The following MYO1A variants were observed in gnomAD, a reference collection of about 807,000 sequenced individuals.
MYO1A encodes the protein myosin IA.
In MYO1A, 127 loss-of-function variants were observed where a neutral mutation model predicts 138.5. The observed-to-expected ratio is 0.92, with a 90% CI of 0.79 to 1.06. The LOEUF (loss-of-function observed/expected upper bound fraction) is 1.06. Ranked by LOEUF, MYO1A falls within the 50% of genes least tolerant of loss-of-function variation. The pLI is 0.00. For missense variants in MYO1A, 1,211 were observed against 1,288.8 expected (o/e 0.94, Z 0.92); for synonymous variants, 477 against 497.5 (o/e 0.96, Z 0.55).
chr12:57,043,091 C>T lies in MYO1A; in HGVS notation c.1079G>A (p.Arg360Gln), dbSNP rs749831374. 91 of 1,613,956 alleles carry T rather than the reference C, an allele frequency of 5.6e-5. No homozygotes were observed. Among genetic ancestry groups the T allele is most frequent in the Non-Finnish European group, 7.1e-5 (84 of 1,180,024 alleles). ...YSRLFDWIVN[R>Q]INESIKVGIG... ...ACTTGCCTTGATGCTCTCATTGATT[C>T]GATTCACTATCCAGTCAAAGAGGCG... Residue 360 changes from arginine (R) to glutamine (Q), a missense_variant, in exon 12 of 28, where the codon CGA becomes CAA. By Grantham distance (43) the Arg-to-Gln change is conservative. Coordinates refer to ENST00000300119, the MANE Select transcript of MYO1A (RefSeq NM_005379.4).
At chr12:57,041,702 T>C (rs1343972776) in intron 12 of MYO1A, among the ~76,000 whole-genome samples, 1 of 152,160 alleles carries the variant, frequency 6.6e-6, no homozygotes, top group African/African-American at 2.4e-5. Context: ...AAAAGGAAGA[T>C]ACAGATAGAT....
chr12:57,029,483 C>T lies in MYO1A; in HGVS notation c.2829G>A (p.Val943=), dbSNP rs1054353924. 4 of 1,614,082 alleles carry T rather than the reference C, an allele frequency of 2.5e-6. No individual in the cohort carries two copies. In the African/African-American group the frequency reaches 4.0e-5, roughly 16 times the overall value. ...GCCCATCCTTGAGGCTGGTGACTGACACCCCAGCCACATTGTCTAGCCCAA... is the reference window on the plus strand; with the variant it reads ...GCCCATCCTTGAGGCTGGTGACTGATACCCCAGCCACATTGTCTAGCCCAA... ...IVIGLDNVAG[V]SVTSLKDGLF... is the part of the protein sequence containing the mutation. The change falls in exon 26 of 28, where the codon GTG becomes GTA. Residue 943 remains valine, a synonymous_variant. Transcript: ENST00000300119.
chr12:57,048,749 A>G (rs530564348), intron 1 of MYO1A, among the ~76,000 whole-genome samples: 1 of 152,226 alleles, frequency 6.6e-6, no homozygotes, highest in East Asian at 1.9e-4. Flanking sequence ...CTCTCCTACA[A>G]TGGGCCCTGG....
intron 22 of MYO1A, 117 bp downstream of exon 22, chr12:57,036,190 A>C (rs1287480915): frequency 9.8e-7 from 1 of 1,022,494 alleles, no homozygotes; most frequent in Non-Finnish European, 1.5e-6. Flanking sequence ...ACTTAAGTAC[A>C]TGCAGACTGA....
Position 57,036,958 on chromosome 12 carries a change from CAAGAG to C in MYO1A, c.2184_2188del (p.Ser729ValfsTer122), listed in dbSNP as rs2030579980. ...TGACCGTACCATGTTTCCCCGAAAC[CAAGAG>C]GAGATGAGGATCTGACTCTTTCGCA... On this transcript the variant is annotated frameshift_variant, in exon 20 of 28. Coordinates refer to ENST00000300119, the MANE Select transcript of MYO1A (RefSeq NM_005379.4). LOFTEE classifies it high-confidence loss of function. 3.1e-6 allele frequency: 5 copies of C among 1,614,150 alleles called. No homozygotes were observed. Among genetic ancestry groups the C allele is most frequent in the Non-Finnish European group, 4.2e-6 (5 of 1,180,032 alleles).
At chr12:57,038,312 T>C in intron 17 of MYO1A, 100 bp downstream of exon 17, 2 of 1,360,840 alleles carry the variant, frequency 1.5e-6, no homozygotes, top group Non-Finnish European at 2.1e-6. Flanking sequence ...TCTGACATCC[T>C]TATTCCAGAA....
rs757152727 is a variant in MYO1A, at chr12:57,041,484, T to C, written c.1112A>G (p.Glu371Gly). ...INESIKVGIG[E>G]KKKVMGVLDI... ...AAGGACTCCCATTACCTTCTTCTTT[T>C]CCCCGATGCCCACCTGAAGAGGAGA... The change falls in exon 13 of 28, where the codon GAA (glutamate) becomes GGA (glycine). Residue 371 changes from glutamate to glycine, a missense_variant. Coordinates refer to ENST00000300119, the MANE Select transcript of MYO1A (RefSeq NM_005379.4). 1 of 1,613,496 alleles carries C rather than the reference T, an allele frequency of 6.2e-7. No homozygotes were observed. The highest frequency in any genetic ancestry group is 1.1e-5 in the South Asian group (1 of 91,060).
chr12:57,046,975 C>T (rs201508388), intron 6 of MYO1A, 49 bp from the exon 7 acceptor site: 8 of 1,611,170 alleles, frequency 5.0e-6, no homozygotes, highest in African/African-American at 2.7e-5. Context: ...CTCTTCTCAC[C>T]ACCCTGCCTG....
rs368168119 is a variant in MYO1A at position 57,030,568 on chromosome 12, G to GGGCAA, written c.2485-257_2485-253dup. 4.7e-3 allele frequency among the ~76,000 whole-genome samples: 720 copies of GGGCAA among 152,264 alleles called. 2 individuals are homozygous for GGGCAA. The highest frequency in any genetic ancestry group is 0.016 in the African/African-American group (662 of 41,540). On this transcript the variant is annotated intron_variant, in intron 23 of 27. Coordinates refer to ENST00000300119, the MANE Select transcript of MYO1A (RefSeq NM_005379.4). ...AGGAGGGCTCTATGCTCAGCTCTCA[G>GGGCAA]GGCAAGGCTTAGTCCCAGACAGGTG...
In MYO1A at chr12:57,028,576, C is replaced by T. The variant is rs1031269393; in HGVS notation, c.*179G>A. On this transcript the variant is annotated 3_prime_UTR_variant, in exon 28 of 28. Coordinates refer to ENST00000300119, the MANE Select transcript of MYO1A (RefSeq NM_005379.4). ...CAGAGAGGCTGCGGGTTGGAGGAAG[C>T]TACTTTTGGAGGAGAGAACAAGAAG... The T allele has an allele frequency of 1.4e-5, 11 of 779,350 alleles. No homozygotes were observed. The African/African-American group carries it at 1.7e-4, about 12-fold the overall frequency. 48.3% of individuals were successfully genotyped at this position (779,350 alleles called of 1,614,324 possible). A position where few individuals can be genotyped will look rare whatever the true frequency, so the allele number is the denominator to read the frequency against.
In MYO1A at chr12:57,037,951, G is replaced by C; in HGVS notation, c.1879C>G (p.His627Asp). The stretch of plus-strand genomic sequence containing the variant: ...AGGAAGGGCCCATAACCCTGGCGGT[G>C]GGCATAGCCTGCCCGTCGCACCCGT... ...NVRVRRAGYA[H>D]RQGYGPFLER... Residue 627 changes from histidine to aspartate, a missense_variant, in exon 18 of 28, where the codon CAC (histidine) becomes GAC (aspartate). His to Asp is a moderately conservative substitution (Grantham distance 81). Coordinates refer to ENST00000300119, the MANE Select transcript of MYO1A (RefSeq NM_005379.4). 2 of 1,614,176 alleles carry C rather than the reference G, an allele frequency of 1.2e-6. No individual in the cohort carries two copies. The highest frequency in any genetic ancestry group is 1.7e-6 in the Non-Finnish European group (2 of 1,180,040).
intron 18 of MYO1A, 112 bp downstream of exon 18, chr12:57,037,757 G>A: frequency 6.7e-7 from 1 of 1,492,364 alleles, no homozygotes; most frequent in Admixed American, 1.7e-5. Flanking sequence ...ATTTCTCAAA[G>A]TATCCATTCA....
At chr12:57,042,008 T>C (rs2030880051) in intron 12 of MYO1A, among the ~76,000 whole-genome samples, 1 of 152,242 alleles carries the variant, frequency 6.6e-6, no homozygotes, top group Non-Finnish European at 1.5e-5. Context: ...CTGAATATAA[T>C]TCACATACCA....
intron 3 of MYO1A, 36 bp downstream of exon 3, chr12:57,047,953 G>A (rs1025218640): frequency 3.1e-6 from 5 of 1,595,828 alleles, no homozygotes; most frequent in Non-Finnish European, 2.6e-6. Context: ...CAAGAAGCTG[G>A]GGCCCTGTCA....
chr12:57,039,317 C>G (rs774567899), intron 14 of MYO1A, 43 bp from the exon 15 acceptor site: 12 of 1,520,418 alleles, frequency 7.9e-6, no homozygotes, highest in Non-Finnish European at 1.1e-5. Flanking sequence ...ACGTCCAAGA[C>G]AAGCCTCCAG....
At chr12:57,037,513 A>G (rs767334995) in intron 19 of MYO1A, 35 bp downstream of exon 19, 13 of 1,590,290 alleles carry the variant, frequency 8.2e-6, no homozygotes, top group Middle Eastern at 1.7e-4. Context: ...TCCACCTTCT[A>G]CCCTCACCAA....
rs1333259994 is a variant in MYO1A, at chr12:57,029,211, C to A, written c.2926G>T (p.Val976Leu). The part of the protein sequence containing the change: ...KGDFLLVSEH[V>L]IELLTKMYRA... ...TACATTTTGGTCAGCAGTTCAATCA[C>A]ATGCTCGCTGACCAGCAGGAAGTCC... The change falls in exon 27 of 28, where the codon GTG becomes TTG. Residue 976 changes from valine (V) to leucine (L), a missense_variant. By Grantham distance (32) the Val-to-Leu change is conservative. Transcript: ENST00000300119. 1 of 1,614,058 alleles carries A rather than the reference C, an allele frequency of 6.2e-7. No homozygotes were observed. Among genetic ancestry groups the A allele is most frequent in the Non-Finnish European group, 8.5e-7 (1 of 1,180,044 alleles).
At chr12:57,039,050 C>T (rs1030787651) in intron 15 of MYO1A, 41 bp from the exon 16 acceptor site, 3 of 1,597,094 alleles carry the variant, frequency 1.9e-6, no homozygotes, top group Non-Finnish European at 2.6e-6. Flanking sequence ...TAAATCTGGT[C>T]CTCCGAGATG....
chr12:57,034,310 C>T (rs1239813714), intron 22 of MYO1A, among the ~76,000 whole-genome samples: 1 of 152,214 alleles, frequency 6.6e-6, no homozygotes, highest in African/African-American at 2.4e-5. Context: ...AAGAGCCTAC[C>T]TCACAGGGTT....
Sources: allele counts gnomAD v4.1 joint callset (sites outside exome capture counted in the v4.1 genomes callset), GRCh38; gene constraint gnomAD v4.1.1; transcripts MANE v1.5; gene names NCBI Gene and HGNC (gene_info 2026-07-23, HGNC 2026-07-21).